The following KCNB2 variants were observed in gnomAD, a reference collection of about 807,000 sequenced individuals.
KCNB2 encodes delayed rectifier potassium channel protein.
A neutral mutation model predicts 61.5 loss-of-function variants in KCNB2; 15 were observed. The ratio of observed to expected loss-of-function variants is 0.24; its 90% CI spans 0.16 to 0.38. KCNB2 has a LOEUF of 0.38. Among genes scored for constraint, KCNB2 ranks in the 10% least tolerant of loss-of-function variants. The pLI is 1.00. For synonymous variants in KCNB2, 457 were observed against 446.0 expected, an observed-to-expected ratio of 1.02 and a Z score of -0.31; for missense variants, 828 against 1,125.2, an observed-to-expected ratio of 0.74 and a Z score of 3.78.
intron 2 of KCNB2, among the ~76,000 whole-genome samples, chr8:72,689,745 A>G (rs1297519148): frequency 1.3e-5 from 2 of 152,144 alleles, no homozygotes; most frequent in Non-Finnish European, 2.9e-5. Context: ...CCTTTTTATT[A>G]CCCGATAGCA....
intron 2 of KCNB2, among the ~76,000 whole-genome samples, chr8:72,741,295 T>C (rs1440354): frequency 0.73 from 110,703 of 152,018 alleles, 41,546 homozygotes; most frequent in African/African-American, 0.91. Context: ...CCTTTGAAAA[T>C]CTCCTTCTGC....
intron 2 of KCNB2, among the ~76,000 whole-genome samples, chr8:72,576,317 T>A (rs1806793474): frequency 6.6e-6 from 1 of 152,174 alleles, no homozygotes; most frequent in South Asian, 2.1e-4. Flanking sequence ...ACTTTGAGAG[T>A]GAGCGAGCTT....
At chr8:72,683,831 G>A (rs1262613546) in intron 2 of KCNB2, among the ~76,000 whole-genome samples, 6 of 152,342 alleles carry the variant, frequency 3.9e-5, no homozygotes, top group Admixed American at 2.6e-4. Context: ...CAGAGATGGG[G>A]CACTTAGGGA....
intron 2 of KCNB2, among the ~76,000 whole-genome samples, chr8:72,647,157 T>G (rs1475654163): frequency 6.6e-6 from 1 of 152,028 alleles, no homozygotes; most frequent in Non-Finnish European, 1.5e-5. Flanking sequence ...CTAAAATAGT[T>G]GTGGAGTTCT....
At chr8:72,742,643 C>T (rs1386722207) in intron 2 of KCNB2, among the ~76,000 whole-genome samples, 1 of 152,140 alleles carries the variant, frequency 6.6e-6, no homozygotes, top group Non-Finnish European at 1.5e-5. Context: ...TCCTCATCCC[C>T]TTAGGTACTT....
chr8:72,598,669 T>G (rs1807238623), intron 2 of KCNB2, among the ~76,000 whole-genome samples: 1 of 152,202 alleles, frequency 6.6e-6, no homozygotes, highest in Admixed American at 6.5e-5. Context: ...TTGTCCCTGT[T>G]TGCAGATGAC....
chr8:72,610,656 C>T (rs1805522834), intron 2 of KCNB2, among the ~76,000 whole-genome samples: 1 of 152,096 alleles, frequency 6.6e-6, no homozygotes, highest in Non-Finnish European at 1.5e-5. Flanking sequence ...TCACAACTGA[C>T]TCTATGATGT....
intron 2 of KCNB2, among the ~76,000 whole-genome samples, chr8:72,703,273 T>C (rs1365704907): frequency 6.6e-6 from 1 of 152,182 alleles, no homozygotes; most frequent in Non-Finnish European, 1.5e-5. Context: ...GTAGCAAGGT[T>C]CAGCTTCTGG....
intron 2 of KCNB2, among the ~76,000 whole-genome samples, chr8:72,777,014 T>A (rs1808667215): frequency 6.6e-6 from 1 of 152,306 alleles, no homozygotes; most frequent in South Asian, 2.1e-4. Context: ...CCCCAGAAAA[T>A]ACACAGGAAA....
At chr8:72,862,847 G>A (rs141945036) in intron 2 of KCNB2, among the ~76,000 whole-genome samples, 2 of 152,290 alleles carry the variant, frequency 1.3e-5, no homozygotes, top group East Asian at 3.9e-4. Flanking sequence ...GGTTCTGGCA[G>A]CTTTACAGGT....
At chr8:72,863,323 T>G (rs1377026373) in intron 2 of KCNB2, among the ~76,000 whole-genome samples, 1 of 152,140 alleles carries the variant, frequency 6.6e-6, no homozygotes, top group Non-Finnish European at 1.5e-5. Flanking sequence ...AAGAAAGCAT[T>G]TACCAAGCAA....
At chr8:72,634,619 G>A (rs1273997458) in intron 2 of KCNB2, among the ~76,000 whole-genome samples, 1 of 152,062 alleles carries the variant, frequency 6.6e-6, no homozygotes, top group African/African-American at 2.4e-5. Flanking sequence ...TCCTTGCTTG[G>A]TATTAGGATT....
chr8:72,718,905 A>G (rs1485671822), intron 2 of KCNB2, among the ~76,000 whole-genome samples: 2 of 152,170 alleles, frequency 1.3e-5, no homozygotes, highest in African/African-American at 2.4e-5. Flanking sequence ...AGAGAATACT[A>G]TGGGAATAAA....
rs55696554 is a variant in KCNB2, at chr8:72,851,826, G to GAAAAAAAAAAAAAAAAAAAAAAAAA, written c.580-84087_580-84086insAAAAAAAAAAAAAAAAAAAAAAAAA. Among the ~76,000 whole-genome samples the GAAAAAAAAAAAAAAAAAAAAAAAAA allele has an allele frequency of 4.6e-5, 2 of 43,868 alleles. 1 individual carries two copies. Among genetic ancestry groups the GAAAAAAAAAAAAAAAAAAAAAAAAA allele is most frequent in the African/African-American group, 1.9e-4 (2 of 10,740 alleles). 28.8% of individuals were successfully genotyped at this position (43,868 alleles called of 152,430 possible). On this transcript the variant is annotated intron_variant, in intron 2 of 2. Transcript: ENST00000523207. ...TTTTTTTTTAATGTAGAAGCTGTAG[G>GAAAAAAAAAAAAAAAAAAAAAAAAA]AAAAAAAAAAAAAAAAAAAAAACAC...
At chr8:72,583,333 ATCT>A (rs1806936722) in intron 2 of KCNB2, among the ~76,000 whole-genome samples, 2 of 152,158 alleles carry the variant, frequency 1.3e-5, no homozygotes, top group African/African-American at 4.8e-5. Context: ...CCTTATATAC[ATCT>A]TCTAAGAATT....
intron 2 of KCNB2, among the ~76,000 whole-genome samples, chr8:72,772,297 C>A (rs754530471): frequency 3.9e-5 from 6 of 152,212 alleles, no homozygotes; most frequent in Non-Finnish European, 7.3e-5. Context: ...CCAGATAATT[C>A]TTTGTTGTGG....
At chr8:72,688,557 A>G (rs1320116522) in intron 2 of KCNB2, among the ~76,000 whole-genome samples, 1 of 151,998 alleles carries the variant, frequency 6.6e-6, no homozygotes, top group Non-Finnish European at 1.5e-5. Context: ...TCCCCACTGC[A>G]CCATAAGTTT....
intron 2 of KCNB2, among the ~76,000 whole-genome samples, chr8:72,921,244 CCTTT>C (rs1488665435): frequency 3.3e-5 from 5 of 151,910 alleles, no homozygotes; most frequent in African/African-American, 1.2e-4. Flanking sequence ...CACTGTTTAC[CCTTT>C]CTTATGTTTT....
intron 2 of KCNB2, among the ~76,000 whole-genome samples, chr8:72,894,171 A>G (rs1805949160): frequency 6.6e-6 from 1 of 152,220 alleles, no homozygotes. Context: ...AGGAGCCAGC[A>G]ATGCAACAGT....
Sources: allele counts gnomAD v4.1 joint callset (sites outside exome capture counted in the v4.1 genomes callset), GRCh38; gene constraint gnomAD v4.1.1; transcripts MANE v1.5; gene names NCBI Gene and HGNC (gene_info 2026-07-23, HGNC 2026-07-21).